SCEL: variants seen among roughly 807,000 people sequenced by gnomAD.
SCEL encodes the protein sciellin.
A neutral mutation model predicts 117.6 loss-of-function variants in SCEL; 113 were observed. The ratio of observed to expected loss-of-function variants is 0.96; its 90% CI spans 0.83 to 1.12. The LOEUF is 1.12. SCEL is among the 50% of genes most tolerant of loss of function. The probability of loss-of-function intolerance (pLI) is 0.00; values close to 1 mark genes in which losing one functional copy is unlikely to be tolerated. For synonymous variants in SCEL, 270 were observed against 256.2 expected, an observed-to-expected ratio of 1.05 and a Z score of -0.51; for missense variants, 785 against 810.8, an observed-to-expected ratio of 0.97 and a Z score of 0.39.
At chr13:77,640,647 T>C in intron 30 of SCEL, 29 bp from the exon 31 acceptor site, 1 of 1,292,796 alleles carries the variant, frequency 7.7e-7, no homozygotes, top group Non-Finnish European at 1.1e-6. Context: ...TTATGGCAAA[T>C]TTATTTTTAA....
At chr13:77,542,178 G>A (rs117812009) in intron 1 of SCEL, among the ~76,000 whole-genome samples, 8,324 of 152,190 alleles carry the variant, frequency 0.055, 300 homozygotes, top group Middle Eastern at 0.082. Context: ...CGAGGCAGGC[G>A]GATCACGAGG....
At chr13:77,641,462 AC>A (rs1236321345) in intron 31 of SCEL, among the ~76,000 whole-genome samples, 5 of 152,148 alleles carry the variant, frequency 3.3e-5, no homozygotes, top group Non-Finnish European at 7.4e-5. Context: ...ACTTTGGACA[AC>A]CACCTGAATT....
rs1244601374 is a variant in SCEL, at chr13:77,603,072, A to T, written c.1038-4A>T. ...GAAACTGATATAAACTTTTTTTTTTAAAGAAGTGAAGACCTTGATAATGCT... is the reference window on the plus strand; with the variant it reads ...GAAACTGATATAAACTTTTTTTTTTTAAGAAGTGAAGACCTTGATAATGCT... On this transcript the variant is annotated splice_region_variant and splice_polypyrimidine_tract_variant and intron_variant, in intron 17 of 32. Transcript: ENST00000349847. 109 of 1,457,658 alleles carry T rather than the reference A, an allele frequency of 7.5e-5. No homozygotes were observed. Among genetic ancestry groups the T allele is most frequent in the Admixed American group, 1.7e-4 (8 of 45,786 alleles). 90.3% of individuals were successfully genotyped at this position (1,457,658 alleles called of 1,614,324 possible).
chr13:77,544,013 C>G (rs527397899), intron 1 of SCEL, among the ~76,000 whole-genome samples: 2 of 152,256 alleles, frequency 1.3e-5, no homozygotes, highest in African/African-American at 4.8e-5. Context: ...CCCTATCCTT[C>G]CGCAAGAAGA....
In SCEL at chr13:77,591,396, C is replaced by A. The variant is rs1425323179; in HGVS notation, c.628C>A (p.Gln210Lys). ...SPNQLRQDNR[Q>K]IHPPKPGVYT... The stretch of plus-strand genomic sequence containing the variant: ...AATCTTCTAACTTTGAAAATATAGG[C>A]AGATACATCCACCTAAACCAGGTGT... Residue 210 changes from glutamine (Q) to lysine (K), a missense_variant and splice_region_variant, in exon 11 of 33, where the codon CAG (glutamine) becomes AAG (lysine). Physicochemically the swap from Gln to Lys is moderately conservative, Grantham distance 53. Coordinates refer to ENST00000349847, the MANE Select transcript of SCEL (RefSeq NM_144777.3). The A allele has an allele frequency of 1.9e-6, 3 of 1,560,336 alleles. No homozygotes were observed. Among genetic ancestry groups the A allele is most frequent in the African/African-American group, 1.4e-5 (1 of 73,622 alleles).
In SCEL at chr13:77,569,397, A is replaced by G. The variant is rs765780068; in HGVS notation, c.425A>G (p.Asn142Ser). ...CAACCTGGCGGTTCATTGAATGCCA[A>G]CACCTCCAACACCATAGCATCCACT... ...KLQPGGSLNANTSNTIASTSA... is the reference protein window; with the variant it reads ...KLQPGGSLNASTSNTIASTSA... Residue 142 changes from asparagine to serine, a missense_variant, in exon 8 of 33, where the codon AAC (asparagine) becomes AGC (serine). Physicochemically the swap from Asn to Ser is conservative, Grantham distance 46. Transcript: ENST00000349847. 1.5e-5 allele frequency: 24 copies of G among 1,613,864 alleles called. No homozygotes were observed. The highest frequency in any genetic ancestry group is 8.8e-5 in the South Asian group (8 of 91,084).
chr13:77,555,796 A>G, intron 1 of SCEL, 61 bp from the exon 2 acceptor site: 1 of 1,059,310 alleles, frequency 9.4e-7, no homozygotes. Context: ...GTCATGAAAC[A>G]GTCACTTACA....
chr13:77,589,185 C>T lies in SCEL; in HGVS notation c.587C>T (p.Ser196Phe), dbSNP rs1208362504. Residue 196 changes from serine (S) to phenylalanine (F), a missense_variant, in exon 10 of 33, where the codon TCT (serine) becomes TTT (phenylalanine). Coordinates refer to ENST00000349847, the MANE Select transcript of SCEL (RefSeq NM_144777.3). ...VHPPIPPKPS[S>F]PVSSPNQLRQ... ...CCTCCAATACCTCCAAAGCCCAGTT[C>T]TCCTGTTTCTTCTCCTAACCAGCTG... 5 of 1,613,080 alleles carry T rather than the reference C, an allele frequency of 3.1e-6. No individual in the cohort carries two copies. The highest frequency in any genetic ancestry group is 4.2e-6 in the Non-Finnish European group (5 of 1,179,256).
At chr13:77,574,779 G>A (rs1172956434) in intron 9 of SCEL, among the ~76,000 whole-genome samples, 2 of 152,156 alleles carry the variant, frequency 1.3e-5, no homozygotes, top group African/African-American at 4.8e-5. Context: ...AAAAATGGGG[G>A]ACTATGATTG....
chr13:77,627,064 A>T (rs1245849320), intron 27 of SCEL, among the ~76,000 whole-genome samples: 1 of 152,228 alleles, frequency 6.6e-6, no homozygotes, highest in African/African-American at 2.4e-5. Flanking sequence ...TATAAGAATC[A>T]AATTACTCCA....
intron 1 of SCEL, among the ~76,000 whole-genome samples, chr13:77,548,495 G>A (rs1394967528): frequency 6.6e-6 from 1 of 152,178 alleles, no homozygotes; most frequent in Non-Finnish European, 1.5e-5. Context: ...AGATCTAATG[G>A]GGAAAAGAAG....
intron 16 of SCEL, 32 bp downstream of exon 16, chr13:77,602,156 T>A (rs1225929282): frequency 6.4e-7 from 1 of 1,574,584 alleles, no homozygotes; most frequent in South Asian, 1.2e-5. Flanking sequence ...ATGGAGCTCT[T>A]TTTATTCAGG....
intron 31 of SCEL, among the ~76,000 whole-genome samples, chr13:77,642,423 G>A (rs148433082): frequency 1.3e-5 from 2 of 152,284 alleles, no homozygotes; most frequent in Non-Finnish European, 2.9e-5. Flanking sequence ...TTCTCTCCAT[G>A]AGGTTGTGCC....
intron 29 of SCEL, among the ~76,000 whole-genome samples, chr13:77,634,914 T>G (rs2090201879): frequency 6.6e-6 from 1 of 152,210 alleles, no homozygotes; most frequent in African/African-American, 2.4e-5. Flanking sequence ...TGAAATCTGC[T>G]GCTTGGAGTG....
At chr13:77,615,755 A>G (rs2088976095) in intron 24 of SCEL, among the ~76,000 whole-genome samples, 1 of 152,012 alleles carries the variant, frequency 6.6e-6, no homozygotes, top group Non-Finnish European at 1.5e-5. Flanking sequence ...GCAATTCAGG[A>G]CTGTTCCTGA....
intron 13 of SCEL, 41 bp downstream of exon 13, chr13:77,597,630 T>C: frequency 1.7e-6 from 2 of 1,184,630 alleles, no homozygotes; most frequent in Non-Finnish European, 2.4e-6. Flanking sequence ...CTGAGTTGCA[T>C]ATTGTGACTT....
At position 77,614,388 on chromosome 13, in the gene SCEL, G is replaced by A. The variant is rs184285387; in HGVS notation, c.1451+433G>A. Among the ~76,000 whole-genome samples, 9 of 152,220 alleles carry A rather than the reference G, an allele frequency of 5.9e-5. No individual in the cohort carries two copies. In the East Asian group the frequency reaches 1.7e-3, roughly 29 times the overall value. On this transcript the variant is annotated intron_variant, in intron 24 of 32. Transcript: ENST00000349847. Reference sequence around the variant, plus strand: ...TCACCTCATTTTAGAAGAGTTTTCTGGTAGTCAGTGGAAATTTTATGAGGT... The same window carrying A: ...TCACCTCATTTTAGAAGAGTTTTCTAGTAGTCAGTGGAAATTTTATGAGGT...
At chr13:77,584,487 C>T (rs111417782) in intron 9 of SCEL, among the ~76,000 whole-genome samples, 7 of 152,276 alleles carry the variant, frequency 4.6e-5, no homozygotes, top group African/African-American at 1.4e-4. Flanking sequence ...CCCTTTCCTG[C>T]GTATTCTCCA....
intron 9 of SCEL, among the ~76,000 whole-genome samples, chr13:77,573,667 A>G (rs569185188): frequency 1.3e-5 from 2 of 151,638 alleles, no homozygotes; most frequent in African/African-American, 2.4e-5. Context: ...CTATCTATCT[A>G]TCTATCTATC....
Sources: gnomAD v4.1 joint callset for allele counts (sites outside exome capture counted in the v4.1 genomes callset) on GRCh38, gnomAD v4.1.1 for gene constraint, MANE v1.5 for transcripts, NCBI Gene and HGNC (gene_info 2026-07-23, HGNC 2026-07-21) for gene names.